The following EIPR1 variants were observed in gnomAD, a reference collection of about 807,000 sequenced individuals.
The protein encoded by EIPR1 is EARP complex and GARP complex interacting protein 1, also known as EARP and GARP complex-interacting protein 1.
Under a neutral mutation model 48.1 loss-of-function variants are expected in EIPR1, and 25 were observed. That is an observed-to-expected ratio of 0.52 (90% CI 0.38 to 0.73). EIPR1 has a LOEUF of 0.73. EIPR1 is among the 30% of genes least tolerant of loss of function. The pLI, the probability that EIPR1 is intolerant of heterozygous loss-of-function variation, is 0.00. For synonymous variants in EIPR1, 204 were observed against 201.9 expected (o/e 1.01, Z -0.09); for missense variants, 415 against 506.2 (o/e 0.82, Z 1.73).
intron 3 of EIPR1, among the ~76,000 whole-genome samples, chr2:3,321,937 A>C (rs1378856912): frequency 1.3e-5 from 2 of 152,196 alleles, no homozygotes. Flanking sequence ...ACAGCCACGC[A>C]TGAGCTCAAA....
chr2:3,309,031 T>G (rs1383678687), intron 3 of EIPR1, among the ~76,000 whole-genome samples: 1 of 152,184 alleles, frequency 6.6e-6, no homozygotes, highest in African/African-American at 2.4e-5. Context: ...GAAAAAAGGC[T>G]TAGAACTTCT....
At chr2:3,205,871 A>G (rs143494369) in intron 5 of EIPR1, among the ~76,000 whole-genome samples, 2 of 152,340 alleles carry the variant, frequency 1.3e-5, no homozygotes, top group East Asian at 1.9e-4. Context: ...ATTAAAGGAG[A>G]TAATACAGGT....
chr2:3,223,365 G>A (rs909799559), intron 4 of EIPR1, among the ~76,000 whole-genome samples: 2 of 152,126 alleles, frequency 1.3e-5, no homozygotes, highest in Non-Finnish European at 2.9e-5. Flanking sequence ...AACTGTATGA[G>A]CAACGAGCTC....
intron 3 of EIPR1, among the ~76,000 whole-genome samples, chr2:3,332,360 A>T (rs1003961951): frequency 3.3e-5 from 5 of 152,246 alleles, no homozygotes; most frequent in Non-Finnish European, 7.3e-5. Context: ...GGCAGCTCCG[A>T]AGGGAGAAAC....
chr2:3,330,897 C>T (rs897755560), intron 3 of EIPR1, among the ~76,000 whole-genome samples: 1 of 118,816 alleles, frequency 8.4e-6, no homozygotes, highest in Admixed American at 7.9e-5. Flanking sequence ...GGTGCACACA[C>T]TCATGAGACG....
At chr2:3,193,851 T>C (rs1010515364) in intron 7 of EIPR1, 148 bp downstream of exon 7, 14 of 765,976 alleles carry the variant, frequency 1.8e-5, no homozygotes, top group Middle Eastern at 3.9e-4. Context: ...TTGGAATTAG[T>C]GTTTCTTTAG....
intron 1 of EIPR1, among the ~76,000 whole-genome samples, chr2:3,367,063 A>C (rs1053037773): frequency 1.3e-5 from 2 of 151,610 alleles, no homozygotes; most frequent in Non-Finnish European, 2.9e-5. Context: ...AGTAAAAATA[A>C]AAATAAATTA....
intron 5 of EIPR1, among the ~76,000 whole-genome samples, chr2:3,212,783 T>C (rs951486064): frequency 2.6e-5 from 4 of 152,218 alleles, no homozygotes; most frequent in Admixed American, 6.5e-5. Flanking sequence ...GTGTGAAACT[T>C]GCATTCTACT....
At chr2:3,199,354 C>T (rs1664931696) in intron 5 of EIPR1, among the ~76,000 whole-genome samples, 1 of 152,114 alleles carries the variant, frequency 6.6e-6, no homozygotes, top group Admixed American at 6.5e-5. Flanking sequence ...CAACATACAT[C>T]CTCAGCTTAC....
chr2:3,236,197 C>T (rs575955568), intron 4 of EIPR1, among the ~76,000 whole-genome samples: 35 of 152,302 alleles, frequency 2.3e-4, no homozygotes, highest in Middle Eastern at 3.4e-3. Context: ...ATGTTAAAGT[C>T]TACAGAATAC....
At position 3,227,860 on chromosome 2, in the gene EIPR1, C is replaced by T. The variant is rs1030931922; in HGVS notation, c.417-13612G>A. Among the ~76,000 whole-genome samples, 3 of 152,374 alleles carry T rather than the reference C, an allele frequency of 2.0e-5. No homozygotes were observed. The South Asian group carries it at 6.2e-4, about 32-fold the overall frequency. ...AGGGTATAAGCCCCAAGCCTTGGTGCTTCCACATGGTACCGAGCCCGTGGG... is the reference window on the plus strand; with the variant it reads ...AGGGTATAAGCCCCAAGCCTTGGTGTTTCCACATGGTACCGAGCCCGTGGG... On this transcript the variant is annotated intron_variant, in intron 4 of 8. Coordinates refer to ENST00000382125, the MANE Select transcript of EIPR1 (RefSeq NM_003310.5).
intron 3 of EIPR1, among the ~76,000 whole-genome samples, chr2:3,264,132 A>G (rs1572372208): frequency 1.3e-5 from 2 of 152,238 alleles, no homozygotes; most frequent in East Asian, 3.9e-4. Flanking sequence ...CCTTTCACCA[A>G]CATCTCCCTT....
chr2:3,274,292 C>T (rs1428124439), intron 3 of EIPR1: 1 of 1,548,112 alleles, frequency 6.5e-7, no homozygotes, highest in Non-Finnish European at 8.7e-7. Flanking sequence ...CTCCTGGACA[C>T]ACTGTAGCAC....
chr2:3,268,005 G>A (rs551048411), intron 3 of EIPR1, among the ~76,000 whole-genome samples: 1 of 152,346 alleles, frequency 6.6e-6, no homozygotes, highest in Non-Finnish European at 1.5e-5. Flanking sequence ...GTTCTCAGCC[G>A]AAAGCCCTGG....
chr2:3,288,794 C>T (rs915571775), intron 3 of EIPR1, among the ~76,000 whole-genome samples: 9 of 152,212 alleles, frequency 5.9e-5, no homozygotes, highest in South Asian at 2.1e-4. Flanking sequence ...ACGCGCAGCA[C>T]GCAGCAGCCA....
intron 4 of EIPR1, among the ~76,000 whole-genome samples, chr2:3,243,302 T>C (rs17328743): frequency 0.27 from 41,398 of 152,076 alleles, 6,784 homozygotes; most frequent in Non-Finnish European, 0.38. Flanking sequence ...AACTTGGGCA[T>C]AGCTCAACAG....
intron 1 of EIPR1, among the ~76,000 whole-genome samples, chr2:3,370,324 A>G (rs1387498276): frequency 6.6e-6 from 1 of 152,236 alleles, no homozygotes; most frequent in Non-Finnish European, 1.5e-5. Flanking sequence ...TCTAAAAAGC[A>G]GAGCGCTTCT....
At chr2:3,353,643 AATG>A (rs1670645229) in intron 2 of EIPR1, among the ~76,000 whole-genome samples, 1 of 152,186 alleles carries the variant, frequency 6.6e-6, no homozygotes, top group African/African-American at 2.4e-5. Flanking sequence ...CTTCGTGTAT[AATG>A]ATTTTTCCTA....
At chr2:3,353,423 A>G in intron 2 of EIPR1, 1 of 413,294 alleles carries the variant, frequency 2.4e-6, no homozygotes. Flanking sequence ...ACGATTCTTA[A>G]GTTGTCATGT....
Sources: allele counts gnomAD v4.1 joint callset (sites outside exome capture counted in the v4.1 genomes callset), GRCh38; gene constraint gnomAD v4.1.1; transcripts MANE v1.5; gene names NCBI Gene and HGNC (gene_info 2026-07-23, HGNC 2026-07-21).